Variants in RBPMS2 observed in about 807,000 individuals in gnomAD.
RBPMS2 encodes RNA binding protein, mRNA processing factor 2.
A neutral mutation model predicts 25.7 loss-of-function variants in RBPMS2; 14 were observed. That is an observed-to-expected ratio of 0.55 (90% CI 0.36 to 0.85). The LOEUF (loss-of-function observed/expected upper bound fraction) is 0.85, where lower values mean the gene tolerates loss of function less well. RBPMS2 is among the 40% of genes least tolerant of loss of function. The pLI is 0.01. For missense variants in RBPMS2, 252 were observed against 283.4 expected, an observed-to-expected ratio of 0.89 and a Z score of 0.80; for synonymous variants, 127 against 115.6, an observed-to-expected ratio of 1.10 and a Z score of -0.63.
chr15:64,770,451 A>G (rs2083885035), intron 1 of RBPMS2, among the ~76,000 whole-genome samples: 1 of 152,342 alleles, frequency 6.6e-6, no homozygotes, highest in East Asian at 1.9e-4. Context: ...AGAACATATA[A>G]CAATGCCTGG....
intron 1 of RBPMS2, 78 bp downstream of exon 1, chr15:64,775,155 G>C: frequency 2.4e-6 from 2 of 817,512 alleles, no homozygotes. Context: ...CCCGCGAGGC[G>C]CGGCAGGCCC....
chr15:64,743,583 G>C (rs2083584570), intron 6 of RBPMS2, among the ~76,000 whole-genome samples: 1 of 152,174 alleles, frequency 6.6e-6, no homozygotes, highest in Non-Finnish European at 1.5e-5. Context: ...CCCCCAGGGG[G>C]CCAGGCCAGC....
At chr15:64,769,627 T>C (rs530865310) in intron 1 of RBPMS2, among the ~76,000 whole-genome samples, 2 of 151,994 alleles carry the variant, frequency 1.3e-5, no homozygotes, top group East Asian at 3.9e-4. Flanking sequence ...GCCACTGCAC[T>C]TCAGCCTGGG....
At position 64,740,143 on chromosome 15, in the gene RBPMS2, G is replaced by C. The variant is rs1485677105; in HGVS notation, c.*865C>G. ...GAATGGAAACCCTTTTCTTCTTCAT[G>C]CCTCAAACTAAACATTAAACTTATC... On this transcript the variant is annotated 3_prime_UTR_variant, in exon 8 of 8. Transcript: ENST00000300069. 4 of 152,554 alleles carry C rather than the reference G, an allele frequency of 2.6e-5. No individual in the cohort carries two copies. Among genetic ancestry groups the C allele is most frequent in the Non-Finnish European group, 4.4e-5 (3 of 68,048 alleles). 9.5% of individuals were successfully genotyped at this position (152,554 alleles called of 1,614,324 possible).
At chr15:64,751,312 G>T (rs533411050) in intron 2 of RBPMS2, among the ~76,000 whole-genome samples, 2 of 149,388 alleles carry the variant, frequency 1.3e-5, no homozygotes, top group African/African-American at 4.9e-5. Context: ...TAGCCTGGGC[G>T]GCAGAGCAAG....
chr15:64,759,793 C>T (rs1021817057), intron 1 of RBPMS2, among the ~76,000 whole-genome samples: 4 of 152,196 alleles, frequency 2.6e-5, no homozygotes, highest in Non-Finnish European at 1.5e-5. Context: ...CTGCCTCAGC[C>T]TCCGGAGTAG....
chr15:64,774,831 G>A (rs974934792), intron 1 of RBPMS2, among the ~76,000 whole-genome samples: 1 of 151,498 alleles, frequency 6.6e-6, no homozygotes, highest in East Asian at 2.0e-4. Flanking sequence ...ATCCCGCTCC[G>A]CTCCGTGCCG....
intron 2 of RBPMS2, 42 bp downstream of exon 2, chr15:64,751,519 G>T: frequency 1.3e-6 from 2 of 1,555,526 alleles, no homozygotes; most frequent in Non-Finnish European, 8.9e-7. Flanking sequence ...GCTTCTCCAG[G>T]GTCCCAGGCT....
intron 6 of RBPMS2, among the ~76,000 whole-genome samples, chr15:64,747,958 A>G (rs1182491283): frequency 1.3e-5 from 2 of 151,802 alleles, no homozygotes; most frequent in African/African-American, 4.8e-5. Context: ...CTTTCACAAC[A>G]ACCCTAAGGC....
In RBPMS2 at chr15:64,775,555, G is replaced by GCCGCCT. The variant is rs2083926029; in HGVS notation, c.-242_-237dup. On this transcript the variant is annotated 5_prime_UTR_variant, in exon 1 of 8. Coordinates refer to ENST00000300069, the MANE Select transcript of RBPMS2 (RefSeq NM_194272.3). Reference sequence around the variant, plus strand: ...GGAGGCAGTGGGAGCCGGAGGGGCCGCCGCCTCCGCCTTTTCACTGCGACC... The same window carrying GCCGCCT: ...GGAGGCAGTGGGAGCCGGAGGGGCCGCCGCCTCCGCCTCCGCCTTTTCACTGCGACC... The GCCGCCT allele has an allele frequency of 5.0e-6, 1 of 200,044 alleles. No homozygotes were observed. The highest frequency in any genetic ancestry group is 2.7e-5 in the African/African-American group (1 of 37,552). 12.4% of individuals were successfully genotyped at this position (200,044 alleles called of 1,614,324 possible). A position where few individuals can be genotyped will look rare whatever the true frequency, so the allele number is the denominator to read the frequency against.
chr15:64,767,453 G>A (rs907486670), intron 1 of RBPMS2, among the ~76,000 whole-genome samples: 5 of 152,162 alleles, frequency 3.3e-5, no homozygotes, highest in African/African-American at 7.2e-5. Context: ...GTTCAGTTCT[G>A]GGTAATCTTG....
chr15:64,762,986 A>G (rs986111045), intron 1 of RBPMS2, among the ~76,000 whole-genome samples: 3 of 149,338 alleles, frequency 2.0e-5, no homozygotes, highest in African/African-American at 7.4e-5. Context: ...TGCAGAGCCA[A>G]CGTTAGGGCT....
chr15:64,749,551 C>G, intron 3 of RBPMS2, 58 bp from the exon 4 acceptor site: 1 of 1,382,664 alleles, frequency 7.2e-7, no homozygotes, highest in South Asian at 1.2e-5. Context: ...CCTCTCCCTC[C>G]AAAATAACAA....
chr15:64,751,403 T>G (rs1449369681), intron 2 of RBPMS2, among the ~76,000 whole-genome samples, 158 bp downstream of exon 2: 1 of 151,434 alleles, frequency 6.6e-6, no homozygotes, highest in Admixed American at 6.6e-5. Context: ...GAAGGCAGCA[T>G]GTGAATTCGC....
intron 5 of RBPMS2, 133 bp from the exon 6 acceptor site, chr15:64,748,700 C>T (rs892360748): frequency 4.4e-6 from 5 of 1,125,440 alleles, no homozygotes; most frequent in Admixed American, 3.0e-5. Flanking sequence ...CAGAGGACCC[C>T]GAGACCAGGC....
chr15:64,765,447 C>T (rs547873301), intron 1 of RBPMS2, among the ~76,000 whole-genome samples: 3 of 150,908 alleles, frequency 2.0e-5, no homozygotes, highest in Admixed American at 2.0e-4. Context: ...GGCATGGTGG[C>T]ATGCACCAGT....
intron 1 of RBPMS2, among the ~76,000 whole-genome samples, chr15:64,758,445 G>T (rs187085675): frequency 2.7e-4 from 41 of 152,370 alleles, no homozygotes; most frequent in African/African-American, 9.1e-4. Flanking sequence ...TGAGAACTCA[G>T]TCAAAGATAC....
chr15:64,774,746 G>A lies in RBPMS2; in HGVS notation c.87+487C>T, dbSNP rs1197919615. On this transcript the variant is annotated intron_variant, in intron 1 of 7. Transcript: ENST00000300069. ...AGGAACCGAGGAGCCGGCCGGCCCA[G>A]GCCTCCAAGGTCACGGGGAGGGGGT... 5.9e-4 allele frequency among the ~76,000 whole-genome samples: 10 copies of A among 17,086 alleles called. 1 individual carries two copies. The highest frequency in any genetic ancestry group is 1.3e-3 in the African/African-American group (10 of 7,866). 11.2% of individuals were successfully genotyped at this position (17,086 alleles called of 152,430 possible).
chr15:64,744,868 G>A (rs2083604112), intron 6 of RBPMS2, among the ~76,000 whole-genome samples: 1 of 125,908 alleles, frequency 7.9e-6, no homozygotes, highest in Non-Finnish European at 1.6e-5. Context: ...AGGCTAGAGT[G>A]CAGTGGCGCG....
Sources: allele counts gnomAD v4.1 joint callset (sites outside exome capture counted in the v4.1 genomes callset), GRCh38; gene constraint gnomAD v4.1.1; transcripts MANE v1.5; gene names NCBI Gene and HGNC (gene_info 2026-07-23, HGNC 2026-07-21).